DLG5: variants seen among roughly 807,000 people sequenced by gnomAD.
DLG5 encodes the protein discs large MAGUK scaffold protein 5, also known as disks large homolog 5.
A neutral mutation model predicts 189.8 loss-of-function variants in DLG5; 48 were observed. That is an observed-to-expected ratio of 0.25 (90% confidence interval 0.20 to 0.32). The LOEUF (loss-of-function observed/expected upper bound fraction) is 0.32, where lower values mean the gene tolerates loss of function less well. Ranked by LOEUF, DLG5 falls within the 10% of genes least tolerant of loss-of-function variation. The pLI, the probability that DLG5 is intolerant of heterozygous loss-of-function variation, is 1.00. For missense variants in DLG5, 2,160 were observed against 2,544.7 expected, an observed-to-expected ratio of 0.85 and a Z score of 3.25; for synonymous variants, 1,016 against 1,054.1, an observed-to-expected ratio of 0.96 and a Z score of 0.70.
the DLG5 span, among the ~76,000 whole-genome samples, chr10:77,935,266 C>T: frequency 6.6e-6 from 1 of 152,074 alleles, no homozygotes; most frequent in Non-Finnish European, 1.5e-5. Flanking sequence ...GAGACATCGA[C>T]TTGTTCATTA....
At chr10:77,863,823 G>A (rs937331948) in intron 2 of DLG5, among the ~76,000 whole-genome samples, 5 of 152,168 alleles carry the variant, frequency 3.3e-5, no homozygotes, top group Admixed American at 2.0e-4. Flanking sequence ...TCAGGAGCAG[G>A]CTCTGGATGG....
At chr10:77,797,209 A>G (rs1486963348) in intron 27 of DLG5, among the ~76,000 whole-genome samples, 3 of 152,248 alleles carry the variant, frequency 2.0e-5, no homozygotes, top group African/African-American at 7.2e-5. Context: ...ATTATGCTTA[A>G]GCCACTGTTA....
intron 1 of DLG5, among the ~76,000 whole-genome samples, chr10:77,923,801 C>A (rs1160712665): frequency 6.6e-6 from 1 of 152,198 alleles, no homozygotes; most frequent in Non-Finnish European, 1.5e-5. Flanking sequence ...GCTGACACAC[C>A]ATGTCACCCT....
intron 1 of DLG5, among the ~76,000 whole-genome samples, chr10:77,876,920 G>T (rs1008553096): frequency 6.6e-6 from 1 of 150,644 alleles, no homozygotes; most frequent in African/African-American, 2.4e-5. Context: ...TAGAGACAGG[G>T]TCTCTCTTTG....
chr10:77,922,373 T>G (rs1229780521), intron 1 of DLG5, among the ~76,000 whole-genome samples: 1 of 152,150 alleles, frequency 6.6e-6, no homozygotes, highest in Non-Finnish European at 1.5e-5. Context: ...CAAGCTAGAC[T>G]TGGTTACTGG....
intron 1 of DLG5, among the ~76,000 whole-genome samples, chr10:77,894,543 C>CTTTTTTT (rs35379334): frequency 8.3e-5 from 8 of 95,920 alleles, no homozygotes; most frequent in East Asian, 3.2e-4. Flanking sequence ...AAGAATAAAG[C>CTTTTTTT]TTTTTTTTTT....
chr10:77,868,856 G>A (rs1844791638), intron 2 of DLG5: 1 of 482,152 alleles, frequency 2.1e-6, no homozygotes. Flanking sequence ...GGGTGGGGAT[G>A]GTGGGTCAAC....
intron 1 of DLG5, among the ~76,000 whole-genome samples, chr10:77,876,688 A>AGGAG (rs1351700142): frequency 2.6e-5 from 2 of 76,788 alleles, no homozygotes; most frequent in Non-Finnish European, 2.7e-5. Context: ...TCTAAGAGGA[A>AGGAG]GGAAGGAAGG....
the DLG5 span, among the ~76,000 whole-genome samples, chr10:77,934,406 TA>T: frequency 7.0e-6 from 1 of 143,870 alleles, no homozygotes; most frequent in East Asian, 2.0e-4. Context: ...AAAAAATAAA[TA>T]CATAAAGTAA....
chr10:77,830,679 G>A (rs754056967), intron 10 of DLG5, 62 bp downstream of exon 10: 12 of 1,590,324 alleles, frequency 7.5e-6, no homozygotes, highest in Admixed American at 1.7e-5. Flanking sequence ...TACTGCAAGC[G>A]GGTCACCGTC....
rs554675891 is a variant in DLG5, at chr10:77,817,032, C to A, written c.3849G>T (p.Pro1283=). The A allele has an allele frequency of 7.4e-5, 119 of 1,614,132 alleles. No homozygotes were observed. In the South Asian group the frequency reaches 1.0e-3, roughly 14 times the overall value. The change falls in exon 19 of 32, where the codon CCG becomes CCT. Residue 1283 remains proline, a synonymous_variant. Coordinates refer to ENST00000372391, the MANE Select transcript of DLG5 (RefSeq NM_004747.4). ...CTCTCTCGGAGCCCACGACACTCCG[C>A]GGATATCTTGGTGTTGATGGGATTT... ...RIKIPSTPRY[P]RSVVGSERGS...
chr10:77,861,405 C>T (rs981023197), intron 2 of DLG5, among the ~76,000 whole-genome samples: 8 of 152,178 alleles, frequency 5.3e-5, no homozygotes, highest in African/African-American at 1.9e-4. Flanking sequence ...TTTTCATCCC[C>T]ATTGTATAAA....
At chr10:77,890,907 C>T (rs930690096) in intron 1 of DLG5, among the ~76,000 whole-genome samples, 2 of 152,138 alleles carry the variant, frequency 1.3e-5, no homozygotes, top group African/African-American at 4.8e-5. Flanking sequence ...CCCAGCCTAA[C>T]CTGTCCACAC....
chr10:77,931,359 C>T (rs1380978996), upstream of DLG5, among the ~76,000 whole-genome samples: 1 of 152,120 alleles, frequency 6.6e-6, no homozygotes, highest in African/African-American at 2.4e-5. Context: ...AGTGATCCTC[C>T]CACCTCAGCC....
At chr10:77,849,470 G>A (rs565342843) in intron 5 of DLG5, among the ~76,000 whole-genome samples, 10 of 152,368 alleles carry the variant, frequency 6.6e-5, no homozygotes, top group East Asian at 5.8e-4. Flanking sequence ...GCCAGGACGC[G>A]GGGCTGGTCG....
intron 1 of DLG5, among the ~76,000 whole-genome samples, chr10:77,890,285 C>T (rs780978965): frequency 6.6e-6 from 1 of 152,134 alleles, no homozygotes; most frequent in Non-Finnish European, 1.5e-5. Flanking sequence ...CGCTCTTGAG[C>T]CCATCAGCAG....
At chr10:77,853,670 T>G (rs1253632461) in intron 4 of DLG5, 133 bp from the exon 5 acceptor site, 8 of 943,626 alleles carry the variant, frequency 8.5e-6, no homozygotes, top group Non-Finnish European at 1.2e-5. Flanking sequence ...CAGGTAGGTC[T>G]GTAGCACTCA....
chr10:77,891,587 C>CACAA, intron 1 of DLG5, among the ~76,000 whole-genome samples: 1 of 151,480 alleles, frequency 6.6e-6, no homozygotes, highest in East Asian at 1.9e-4. Context: ...CACACACACA[C>CACAA]ACACACACAC....
intron 23 of DLG5, 99 bp downstream of exon 23, chr10:77,810,995 A>T: frequency 6.8e-7 from 1 of 1,461,208 alleles, no homozygotes; most frequent in East Asian, 2.4e-5. Flanking sequence ...CCTGCAGCAC[A>T]TGAGGCCAGC....
Sources: allele counts gnomAD v4.1 joint callset (sites outside exome capture counted in the v4.1 genomes callset), GRCh38; gene constraint gnomAD v4.1.1; transcripts MANE v1.5; gene names NCBI Gene and HGNC (gene_info 2026-07-23, HGNC 2026-07-21).